SYN3: variants seen among roughly 807,000 people sequenced by gnomAD.
SYN3 encodes the protein synapsin-3.
SYN3 carries 35 observed loss-of-function variants against 65.8 expected under a neutral mutation model. The ratio of observed to expected loss-of-function variants is 0.53; its 90% CI spans 0.41 to 0.70. SYN3 has a LOEUF of 0.70. Ranked by LOEUF, SYN3 falls within the 30% of genes least tolerant of loss-of-function variation. SYN3 has a pLI of 0.00. For synonymous variants in SYN3, 270 were observed against 292.9 expected, an observed-to-expected ratio of 0.92 and a Z score of 0.80; for missense variants, 680 against 749.0, an observed-to-expected ratio of 0.91 and a Z score of 1.08.
At chr22:33,029,112 A>G (rs2053702838) in intron 1 of SYN3, among the ~76,000 whole-genome samples, 1 of 151,220 alleles carries the variant, frequency 6.6e-6, no homozygotes, top group African/African-American at 2.4e-5. Flanking sequence ...AACCCTGGCC[A>G]GGAAGTCAGG....
At chr22:32,852,675 T>C (rs569858426) in intron 6 of SYN3, among the ~76,000 whole-genome samples, 14 of 152,308 alleles carry the variant, frequency 9.2e-5, no homozygotes, top group African/African-American at 3.1e-4. Context: ...TTCTCCCGTC[T>C]GCTAACTCTG....
Position 32,881,515 on chromosome 22 carries a change from C to T in SYN3, c.462-12390G>A, listed in dbSNP as rs575459863. 1.1e-4 allele frequency among the ~76,000 whole-genome samples: 16 copies of T among 152,236 alleles called. No homozygotes were observed. The South Asian group carries it at 3.3e-3, about 32-fold the overall frequency. ...CAGTGCAAGACTGAGAAGCTGGGCCCAAAAGATGCTAAACGCTCCTGCCTG... is the reference window on the plus strand; with the variant it reads ...CAGTGCAAGACTGAGAAGCTGGGCCTAAAAGATGCTAAACGCTCCTGCCTG... On this transcript the variant is annotated intron_variant, in intron 4 of 13. Coordinates refer to ENST00000358763, the MANE Select transcript of SYN3 (RefSeq NM_003490.4).
chr22:32,559,728 G>T (rs2058557224), intron 7 of SYN3, among the ~76,000 whole-genome samples: 1 of 152,060 alleles, frequency 6.6e-6, no homozygotes, highest in South Asian at 2.1e-4. Flanking sequence ...CACTCTGGAG[G>T]CTGAGGCAGG....
intron 7 of SYN3, among the ~76,000 whole-genome samples, chr22:32,566,711 C>T (rs1204391531): frequency 6.6e-6 from 1 of 152,068 alleles, no homozygotes; most frequent in East Asian, 1.9e-4. Context: ...ACTACAGGCT[C>T]CTTTTTAAGA....
chr22:32,593,249 AT>A (rs57051276), intron 7 of SYN3, among the ~76,000 whole-genome samples: 10,942 of 140,430 alleles, frequency 0.078, 435 homozygotes, highest in East Asian at 0.17. Flanking sequence ...CGTCTGTGTC[AT>A]TTTTTTTTTT....
At chr22:32,679,048 C>CTTTTTTTTTTTTTTTTTTTTT (rs145971116) in intron 6 of SYN3, among the ~76,000 whole-genome samples, 10 of 85,660 alleles carry the variant, frequency 1.2e-4, no homozygotes, top group Non-Finnish European at 1.7e-4. Flanking sequence ...TTGTTTCTTT[C>CTTTTTTTTTTTTTTTTTTTTT]TTTTTTTTTT....
chr22:32,838,700 T>G (rs1319382984), intron 6 of SYN3, among the ~76,000 whole-genome samples: 3 of 151,912 alleles, frequency 2.0e-5, no homozygotes, highest in African/African-American at 4.8e-5. Flanking sequence ...TCTGAGTAAC[T>G]CTATGGAACA....
intron 7 of SYN3, among the ~76,000 whole-genome samples, chr22:32,548,113 G>C (rs1180418260): frequency 6.6e-6 from 1 of 152,158 alleles, no homozygotes. Flanking sequence ...ATAATACCCA[G>C]AATTACACAA....
At chr22:32,577,972 C>A (rs1235020274) in intron 7 of SYN3, among the ~76,000 whole-genome samples, 1 of 152,160 alleles carries the variant, frequency 6.6e-6, no homozygotes, top group East Asian at 1.9e-4. Flanking sequence ...TTTGTTTATT[C>A]TTTTCTTCAT....
At chr22:32,521,662 G>A (rs1601552796) in intron 12 of SYN3, among the ~76,000 whole-genome samples, 1 of 151,902 alleles carries the variant, frequency 6.6e-6, no homozygotes, top group Non-Finnish European at 1.5e-5. Context: ...TGGCCAGGCT[G>A]GTCTCGAACT....
intron 4 of SYN3, among the ~76,000 whole-genome samples, chr22:32,893,757 C>G (rs746230850): frequency 5.3e-5 from 8 of 152,070 alleles, no homozygotes; most frequent in Non-Finnish European, 1.0e-4. Flanking sequence ...ACTCATCCTT[C>G]CAGTTGGCTT....
At chr22:32,842,245 C>G (rs918866652) in intron 6 of SYN3, among the ~76,000 whole-genome samples, 38 of 152,244 alleles carry the variant, frequency 2.5e-4, no homozygotes, top group Admixed American at 2.4e-3. Context: ...CTTGATCTGT[C>G]CTTTCAGCTT....
intron 6 of SYN3, among the ~76,000 whole-genome samples, chr22:32,675,049 GGC>G (rs2060420939): frequency 6.6e-6 from 1 of 152,126 alleles, no homozygotes; most frequent in African/African-American, 2.4e-5. Context: ...CTGAATCTAA[GGC>G]CACTTTCCCT....
At chr22:32,633,786 ATT>A (rs11297430) in intron 6 of SYN3, among the ~76,000 whole-genome samples, 7 of 146,466 alleles carry the variant, frequency 4.8e-5, no homozygotes, top group African/African-American at 1.7e-4. Context: ...TCTCAATCTC[ATT>A]TTTTTTTTCT....
At chr22:32,775,770 T>C (rs1464148431) in intron 6 of SYN3, among the ~76,000 whole-genome samples, 1 of 152,212 alleles carries the variant, frequency 6.6e-6, no homozygotes, top group Non-Finnish European at 1.5e-5. Flanking sequence ...TAAAACAGGA[T>C]GATTAACAAT....
At chr22:32,548,836 A>G (rs759300526) in intron 7 of SYN3, among the ~76,000 whole-genome samples, 2 of 152,232 alleles carry the variant, frequency 1.3e-5, no homozygotes, top group Non-Finnish European at 2.9e-5. Flanking sequence ...AATGGTATGC[A>G]CGCAAGGCTG....
At chr22:32,942,006 C>T (rs1251744984) in intron 3 of SYN3, among the ~76,000 whole-genome samples, 1 of 152,234 alleles carries the variant, frequency 6.6e-6, no homozygotes, top group African/African-American at 2.4e-5. Context: ...CCTCTGTAGA[C>T]TCCACCTCTG....
chr22:32,674,717 T>C (rs1196359781), intron 6 of SYN3, among the ~76,000 whole-genome samples: 3 of 152,178 alleles, frequency 2.0e-5, no homozygotes, highest in Admixed American at 2.0e-4. Context: ...TAATGGCATA[T>C]GTATGCACAC....
chr22:32,530,499 G>A (rs2058050451), intron 10 of SYN3, among the ~76,000 whole-genome samples: 1 of 152,086 alleles, frequency 6.6e-6, no homozygotes, highest in African/African-American at 2.4e-5. Flanking sequence ...CTGAGAAGAG[G>A]GAACCTGGGT....
Sources: allele counts gnomAD v4.1 joint callset (sites outside exome capture counted in the v4.1 genomes callset), GRCh38; gene constraint gnomAD v4.1.1; transcripts MANE v1.5; gene names NCBI Gene and HGNC (gene_info 2026-07-23, HGNC 2026-07-21).